The following TEX26 variants were observed in gnomAD, a reference collection of about 807,000 sequenced individuals.
The protein encoded by TEX26 is testis-expressed protein 26.
TEX26 carries 34 observed loss-of-function variants against 35.3 expected under a neutral mutation model. The observed-to-expected ratio is 0.96, with a 90% CI of 0.73 to 1.28. The LOEUF (loss-of-function observed/expected upper bound fraction) is 1.28, where lower values mean the gene tolerates loss of function less well. TEX26 is among the 50% of genes most tolerant of loss of function. TEX26 has a pLI of 0.00. For synonymous variants in TEX26, 136 were observed against 111.8 expected (o/e 1.22, Z -1.36); for missense variants, 371 against 330.1 (o/e 1.12, Z -0.96).
chr13:30,939,533 A>T (rs1042686441), intron 1 of TEX26, among the ~76,000 whole-genome samples, 161 bp from the exon 2 acceptor site: 1 of 152,226 alleles, frequency 6.6e-6, no homozygotes, highest in African/African-American at 2.4e-5. Flanking sequence ...GAACTTCCTC[A>T]TTCCTATTAG....
intron 5 of TEX26, among the ~76,000 whole-genome samples, chr13:30,968,548 CA>C (rs1954615479): frequency 6.6e-6 from 1 of 152,136 alleles, no homozygotes. Context: ...TGAAATATTT[CA>C]GTTTCCTTCA....
chr13:30,952,842 A>G lies in TEX26; in HGVS notation c.312+17A>G. On this transcript the variant is annotated intron_variant, in intron 3 of 6. Coordinates refer to ENST00000380473, the MANE Select transcript of TEX26 (RefSeq NM_152325.3). ...CTCAATGAAGTAAGATAATATCTAC[A>G]TATGTGTTGAATTTAATACTGTACT... is the stretch of plus-strand genomic sequence containing the variant. 6.2e-7 allele frequency: 1 copy of G among 1,606,096 alleles called. No homozygotes were observed. The highest frequency in any genetic ancestry group is 8.5e-7 in the Non-Finnish European group (1 of 1,174,994).
chr13:30,970,168 AGTGTGTGTGTGTGTGTGTGTGTGT>A (rs57600535), intron 6 of TEX26, among the ~76,000 whole-genome samples: 2 of 146,412 alleles, frequency 1.4e-5, no homozygotes, highest in East Asian at 4.0e-4. Context: ...GGTGTGTGTG[AGTGTGTGTGTGTGTGTGTGTGTGT>A]GTGTGTGTGT....
chr13:30,956,434 G>T (rs200930897), intron 3 of TEX26, among the ~76,000 whole-genome samples: 1 of 152,092 alleles, frequency 6.6e-6, no homozygotes, highest in South Asian at 2.1e-4. Context: ...ATTTGGAGGT[G>T]ACAAGAGAGT....
chr13:30,937,705 G>A (rs529469734), intron 1 of TEX26, among the ~76,000 whole-genome samples: 2 of 152,214 alleles, frequency 1.3e-5, no homozygotes, highest in African/African-American at 4.8e-5. Context: ...GACACTAGGA[G>A]TGCATAGAAG....
At chr13:30,939,033 A>G (rs1953378133) in intron 1 of TEX26, among the ~76,000 whole-genome samples, 1 of 152,240 alleles carries the variant, frequency 6.6e-6, no homozygotes, top group African/African-American at 2.4e-5. Context: ...GGAGTTTTCT[A>G]TCACACACTG....
At chr13:30,965,750 T>C (rs1046139936) in intron 4 of TEX26, among the ~76,000 whole-genome samples, 2 of 151,938 alleles carry the variant, frequency 1.3e-5, no homozygotes, top group Non-Finnish European at 2.9e-5. Flanking sequence ...TTCCAGGTAA[T>C]AGGGATGATA....
chr13:30,954,586 G>T (rs1359256278), intron 3 of TEX26, among the ~76,000 whole-genome samples: 1 of 151,806 alleles, frequency 6.6e-6, no homozygotes, highest in African/African-American at 2.4e-5. Flanking sequence ...ACCCTCCAGA[G>T]TAGCTTAAAG....
At chr13:30,959,972 T>C (rs747624427) in intron 4 of TEX26, among the ~76,000 whole-genome samples, 10 of 152,222 alleles carry the variant, frequency 6.6e-5, no homozygotes, top group Non-Finnish European at 1.3e-4. Flanking sequence ...AAATCCTGGA[T>C]GCTAGAAGAC....
rs1238586213 is a variant in TEX26 at position 30,932,709 on chromosome 13, G to A, written c.-7G>A. On this transcript the variant is annotated 5_prime_UTR_variant, in exon 1 of 7. Transcript: ENST00000380473. ...GCCAGGGCCCCGCGGCCGCCTCCTG[G>A]GGCAGAATGGAACAGCCTGGGCCCA... 7.4e-6 allele frequency: 12 copies of A among 1,612,878 alleles called. No homozygotes were observed. The South Asian group carries it at 1.3e-4, about 18-fold the overall frequency.
intron 4 of TEX26, among the ~76,000 whole-genome samples, chr13:30,962,192 A>G (rs1954370103): frequency 6.6e-6 from 1 of 152,220 alleles, no homozygotes; most frequent in African/African-American, 2.4e-5. Context: ...ATGAGTCTCC[A>G]GATGTGCAAA....
intron 2 of TEX26, among the ~76,000 whole-genome samples, chr13:30,952,265 C>A (rs1053144674): frequency 2.1e-4 from 32 of 151,956 alleles, no homozygotes; most frequent in African/African-American, 7.7e-4. Context: ...TCATTATGGG[C>A]TTGAAACTAG....
At chr13:30,941,335 G>C (rs1303121432) in intron 2 of TEX26, among the ~76,000 whole-genome samples, 1 of 152,214 alleles carries the variant, frequency 6.6e-6, no homozygotes, top group Non-Finnish European at 1.5e-5. Flanking sequence ...TCATCTGACT[G>C]TAATGAAAGT....
chr13:30,957,152 G>A (rs895685227), intron 4 of TEX26, 123 bp downstream of exon 4: 20 of 980,382 alleles, frequency 2.0e-5, no homozygotes, highest in Middle Eastern at 3.0e-4. Flanking sequence ...GGAGACAGGC[G>A]ACTTTGCAAA....
intron 2 of TEX26, among the ~76,000 whole-genome samples, chr13:30,941,581 G>C (rs762750066): frequency 5.0e-4 from 76 of 152,150 alleles, no homozygotes; most frequent in Non-Finnish European, 8.8e-4. Flanking sequence ...AGATTTTAGG[G>C]TACCCGTAAC....
chr13:30,950,341 G>T (rs1403575592), intron 2 of TEX26, among the ~76,000 whole-genome samples: 1 of 152,036 alleles, frequency 6.6e-6, no homozygotes, highest in Non-Finnish European at 1.5e-5. Context: ...AGGAAGTGGA[G>T]GTTGCTCCAC....
In TEX26 at chr13:30,967,413, G is replaced by A. The variant is rs144821484; in HGVS notation, c.646+1015G>A. Among the ~76,000 whole-genome samples the A allele has an allele frequency of 4.3e-4, 66 of 152,288 alleles. 1 individual carries two copies. Among genetic ancestry groups the A allele is most frequent in the African/African-American group, 1.5e-3 (63 of 41,562 alleles). On this transcript the variant is annotated intron_variant, in intron 5 of 6. Coordinates refer to ENST00000380473, the MANE Select transcript of TEX26 (RefSeq NM_152325.3). ...GTAGCCCCATCCCCCTTCGTTGTCTGATGCTCCAACTGTGTAGAAGTTGTA... is the reference window on the plus strand; with the variant it reads ...GTAGCCCCATCCCCCTTCGTTGTCTAATGCTCCAACTGTGTAGAAGTTGTA...
chr13:30,968,980 T>G lies in TEX26; in HGVS notation c.742T>G (p.Leu248Val). 1 of 1,614,154 alleles carries G rather than the reference T, an allele frequency of 6.2e-7. No homozygotes were observed. The highest frequency in any genetic ancestry group is 1.6e-4 in the Middle Eastern group (1 of 6,062). The change falls in exon 6 of 7, where the codon TTA (leucine) becomes GTA (valine). Residue 248 changes from leucine to valine, a missense_variant. Leu to Val is a conservative substitution (Grantham distance 32). Transcript: ENST00000380473. ...SDYDKTYPDF[L>V]MLLNSFTSSQ... is the part of the protein sequence containing the mutation. ...CTACGACAAAACCTACCCAGATTTC[T>G]TAATGCTTTTAAACTCATTTACTTC...
At chr13:30,973,991 C>G (rs1954794309) in intron 6 of TEX26, among the ~76,000 whole-genome samples, 1 of 151,212 alleles carries the variant, frequency 6.6e-6, no homozygotes, top group South Asian at 2.1e-4. Context: ...CATGGTGGTT[C>G]ATGCCTGTAA....
Sources: gnomAD v4.1 joint callset for allele counts (sites outside exome capture counted in the v4.1 genomes callset) on GRCh38, gnomAD v4.1.1 for gene constraint, MANE v1.5 for transcripts, NCBI Gene and HGNC (gene_info 2026-07-23, HGNC 2026-07-21) for gene names.